Variants in RDH8 observed in about 807,000 individuals in gnomAD.
RDH8 encodes the protein retinol dehydrogenase 8, also known as photoreceptor outer segment all-trans retinol dehydrogenase.
In RDH8, 14 loss-of-function variants were observed where a neutral mutation model predicts 22.3. That is an observed-to-expected ratio of 0.63 (90% CI 0.42 to 0.98). The LOEUF (loss-of-function observed/expected upper bound fraction) is 0.98. Ranked by LOEUF, RDH8 falls within the 50% of genes least tolerant of loss-of-function variation. The probability of loss-of-function intolerance (pLI) is 0.00; values close to 1 mark genes in which losing one functional copy is unlikely to be tolerated. For missense variants in RDH8, 389 were observed against 409.8 expected (o/e 0.95, Z 0.44); for synonymous variants, 175 against 171.7 (o/e 1.02, Z -0.15).
chr19:10,019,938 G>T (rs2087645281), intron 3 of RDH8, among the ~76,000 whole-genome samples: 1 of 151,856 alleles, frequency 6.6e-6, no homozygotes. Context: ...GTCAGGAGTT[G>T]GAGACCAGAA....
At position 10,020,751 on chromosome 19, in the gene RDH8, TGGA is replaced by T. The variant is rs2087652109; in HGVS notation, c.488_490del (p.Glu163del). On this transcript the variant is annotated inframe_deletion, in exon 4 of 6. Transcript: ENST00000591589. The stretch of plus-strand genomic sequence containing the variant: ...GTCTATGCAGCTTCCAAGTTCGCCC[TGGA>T]GGGATTCTTCGAAAGCCTCGCTATC... 1 of 1,611,580 alleles carries T rather than the reference TGGA, an allele frequency of 6.2e-7. No individual in the cohort carries two copies.
Position 10,021,686 on chromosome 19 carries a change from C to T in RDH8, c.873C>T (p.Leu291=). 1 of 1,614,158 alleles carries T rather than the reference C, an allele frequency of 6.2e-7. No homozygotes were observed. Among genetic ancestry groups the T allele is most frequent in the Non-Finnish European group, 8.5e-7 (1 of 1,180,046 alleles). ...THRLLFRCPR[L]LNLGLQCLSC... Reference sequence around the variant, plus strand: ...GCCTCCTCTTCCGCTGTCCACGCCTCCTCAACCTTGGCCTTCAATGTCTGT... The same window carrying T: ...GCCTCCTCTTCCGCTGTCCACGCCTTCTCAACCTTGGCCTTCAATGTCTGT... Residue 291 remains leucine, a synonymous_variant, in exon 6 of 6, where the codon CTC becomes CTT. Transcript: ENST00000591589.
In RDH8 at chr19:10,021,761, C is replaced by T; in HGVS notation, c.*12C>T. The T allele has an allele frequency of 6.2e-7, 1 of 1,610,982 alleles. No individual in the cohort carries two copies. The highest frequency in any genetic ancestry group is 8.5e-7 in the Non-Finnish European group (1 of 1,178,550). On this transcript the variant is annotated 3_prime_UTR_variant, in exon 6 of 6. Coordinates refer to ENST00000591589, the MANE Select transcript of RDH8 (RefSeq NM_015725.4). ...TGCGGCCAAGATGAGCAGAACAGAG[C>T]TTCACGATCCCCATCCCTGAACAAC... is the stretch of plus-strand genomic sequence containing the variant.
chr19:10,020,878 T>A, intron 4 of RDH8, 76 bp downstream of exon 4: 1 of 1,061,030 alleles, frequency 9.4e-7, no homozygotes, highest in Non-Finnish European at 1.4e-6. Context: ...AGAGGAGAGA[T>A]GAAGACAATG....
intron 4 of RDH8, 39 bp downstream of exon 4, chr19:10,020,841 T>C (rs1434758466): frequency 2.1e-6 from 3 of 1,453,478 alleles, no homozygotes; most frequent in South Asian, 1.2e-5. Flanking sequence ...TTGGAGCCAG[T>C]GATGGGGAGG....
At chr19:10,014,705 G>C (rs1326268430) in intron 1 of RDH8, among the ~76,000 whole-genome samples, 3 of 151,978 alleles carry the variant, frequency 2.0e-5, no homozygotes, top group Non-Finnish European at 4.4e-5. Flanking sequence ...ACCCGGCTAA[G>C]TTTTTGTATT....
rs1267029190 is a variant in RDH8 at position 10,018,872 on chromosome 19, G to T, written c.404G>T (p.Gly135Val). The T allele has an allele frequency of 3.7e-6, 6 of 1,613,528 alleles. No individual in the cohort carries two copies. In the East Asian group the frequency reaches 1.3e-4, roughly 36 times the overall value. ...VLPGMKRRRQ[G>V]HIVVISSVMG... ...CCAGGCATGAAGAGGAGGCGGCAGG[G>T]CCACATCGTGGTGATCAGCAGTGTC... The change falls in exon 3 of 6, where the codon GGC becomes GTC. Residue 135 changes from glycine to valine, a missense_variant. Gly to Val is a moderately radical substitution (Grantham distance 109). Coordinates refer to ENST00000591589, the MANE Select transcript of RDH8 (RefSeq NM_015725.4).
rs139267887 is a variant in RDH8, at chr19:10,020,774, G to T, written c.508G>T (p.Ala170Ser). 1 of 1,610,068 alleles carries T rather than the reference G, an allele frequency of 6.2e-7. No homozygotes were observed. Among genetic ancestry groups the T allele is most frequent in the Non-Finnish European group, 8.5e-7 (1 of 1,177,818 alleles). ...CCTGGAGGGATTCTTCGAAAGCCTC[G>T]CTATCCAGCTGCTGCAGTTCAACAT... ...FALEGFFESL[A>S]IQLLQFNIFI... Residue 170 changes from alanine (A) to serine (S), a missense_variant, in exon 4 of 6, where the codon GCT (alanine) becomes TCT (serine). Transcript: ENST00000591589.
At chr19:10,018,672 A>G in intron 2 of RDH8, 59 bp from the exon 3 acceptor site, 1 of 1,410,096 alleles carries the variant, frequency 7.1e-7, no homozygotes, top group Non-Finnish European at 9.7e-7. Flanking sequence ...GGGAGTGTCT[A>G]GAAGTAATGC....
Position 10,020,728 on chromosome 19 carries a change from C to G in RDH8, c.462C>G (p.Val154=). Residue 154 remains valine (V), a synonymous_variant, in exon 4 of 6, where the codon GTC becomes GTG. Coordinates refer to ENST00000591589, the MANE Select transcript of RDH8 (RefSeq NM_015725.4). ...MGLQGVIFND[V]YAASKFALEG... is the part of the protein sequence containing the mutation. ...TCACAGGTGTCATCTTCAACGATGT[C>G]TATGCAGCTTCCAAGTTCGCCCTGG... 6.2e-7 allele frequency: 1 copy of G among 1,610,560 alleles called. No homozygotes were observed. Among genetic ancestry groups the G allele is most frequent in the Non-Finnish European group, 8.5e-7 (1 of 1,178,012 alleles).
chr19:10,017,764 G>A (rs1044398274), intron 2 of RDH8, among the ~76,000 whole-genome samples: 5 of 148,916 alleles, frequency 3.4e-5, no homozygotes, highest in Admixed American at 6.7e-5. Context: ...CTCCTGCCTC[G>A]CCTCCTGAGT....
rs774041908 is a variant in RDH8 at position 10,017,199 on chromosome 19, A to T, written c.246A>T (p.Gly82=). The T allele has an allele frequency of 6.9e-6, 11 of 1,598,342 alleles. No homozygotes were observed. Among genetic ancestry groups the T allele is most frequent in the Non-Finnish European group, 8.5e-6 (10 of 1,170,810 alleles). The change falls in exon 2 of 6, where the codon GGA becomes GGT. Residue 82 remains glycine, a synonymous_variant. Coordinates refer to ENST00000591589, the MANE Select transcript of RDH8 (RefSeq NM_015725.4). The part of the protein sequence containing the change: ...SVAQCLSCIQ[G]EVDVLVNNAG... ...CCCAGTGTCTCAGCTGTATCCAGGG[A>T]GAAGTGGACGTGCTGGGTGAGACTT...
chr19:10,021,288 C>G lies in RDH8; in HGVS notation c.570C>G (p.Thr190=). The stretch of plus-strand genomic sequence containing the variant: ...TGGTGGAGCCAGGCCCCGTGGTCAC[C>G]GAGTTTGAGGGGAAGCTTCTGGCGC... ...ISLVEPGPVV[T]EFEGKLLAQV... The change falls in exon 5 of 6, where the codon ACC becomes ACG. Residue 190 remains threonine (T), a synonymous_variant. Coordinates refer to ENST00000591589, the MANE Select transcript of RDH8 (RefSeq NM_015725.4). The G allele has an allele frequency of 6.2e-7, 1 of 1,614,098 alleles. No homozygotes were observed. The highest frequency in any genetic ancestry group is 8.5e-7 in the Non-Finnish European group (1 of 1,180,018).
Position 10,021,939 on chromosome 19 carries a change from T to C in RDH8, c.*190T>C. On this transcript the variant is annotated 3_prime_UTR_variant, in exon 6 of 6. Coordinates refer to ENST00000591589, the MANE Select transcript of RDH8 (RefSeq NM_015725.4). ...GCATAGACTCCTCTGTGGTCACAGC[T>C]GGAGCACAGAGAGGGACCCTGGGAA... The C allele has an allele frequency of 1.5e-6, 1 of 658,062 alleles. No homozygotes were observed. The highest frequency in any genetic ancestry group is 2.0e-5 in the South Asian group (1 of 50,160). 40.8% of individuals were successfully genotyped at this position (658,062 alleles called of 1,614,324 possible).
intron 2 of RDH8, among the ~76,000 whole-genome samples, chr19:10,018,190 C>T (rs577566981): frequency 1.2e-4 from 18 of 152,296 alleles, no homozygotes; most frequent in African/African-American, 4.1e-4. Context: ...GTGATCCACT[C>T]ACCTTGGCCT....
chr19:10,020,778 T>C lies in RDH8; in HGVS notation c.512T>C (p.Ile171Thr). Residue 171 changes from isoleucine to threonine, a missense_variant, in exon 4 of 6, where the codon ATC becomes ACC. Physicochemically the swap from Ile to Thr is moderately conservative, Grantham distance 89. Transcript: ENST00000591589. ...ALEGFFESLA[I>T]QLLQFNIFIS... Reference sequence around the variant, plus strand: ...GAGGGATTCTTCGAAAGCCTCGCTATCCAGCTGCTGCAGTTCAACATCTTG... The same window carrying C: ...GAGGGATTCTTCGAAAGCCTCGCTACCCAGCTGCTGCAGTTCAACATCTTG... The C allele has an allele frequency of 6.2e-7, 1 of 1,609,992 alleles. No homozygotes were observed. Among genetic ancestry groups the C allele is most frequent in the South Asian group, 1.1e-5 (1 of 90,220 alleles).
At position 10,013,581 on chromosome 19, in the gene RDH8, C is replaced by A. The variant is rs150712129; in HGVS notation, c.84C>A (p.Asp28Glu). 15 of 1,613,838 alleles carry A rather than the reference C, an allele frequency of 9.3e-6. No individual in the cohort carries two copies. The highest frequency in any genetic ancestry group is 1.3e-5 in the Non-Finnish European group (15 of 1,179,990). The change falls in exon 1 of 6, where the codon GAC becomes GAA. Residue 28 changes from aspartate to glutamate, a missense_variant. Asp to Glu is a conservative substitution (Grantham distance 45). Coordinates refer to ENST00000591589, the MANE Select transcript of RDH8 (RefSeq NM_015725.4). The part of the protein sequence containing the change: ...GLELAVQLAH[D>E]PKKRYQVVAT... The stretch of plus-strand genomic sequence containing the variant: ...AACTTGCAGTGCAACTGGCCCATGA[C>A]CCCAAGAAGCGCTACCAGGGTAAGA...
intron 5 of RDH8, 27 bp downstream of exon 5, chr19:10,021,465 A>G (rs2087658423): frequency 6.2e-7 from 1 of 1,613,708 alleles, no homozygotes; most frequent in South Asian, 1.1e-5. Context: ...GAGCCCCAAG[A>G]CGTGGCTCAG....
intron 4 of RDH8, 132 bp from the exon 5 acceptor site, chr19:10,021,123 A>G: frequency 1.2e-6 from 1 of 823,172 alleles, no homozygotes; most frequent in Non-Finnish European, 1.9e-6. Flanking sequence ...GCAGACAGCT[A>G]TGATCATGCC....
Sources: allele counts gnomAD v4.1 joint callset (sites outside exome capture counted in the v4.1 genomes callset), GRCh38; gene constraint gnomAD v4.1.1; transcripts MANE v1.5; gene names NCBI Gene and HGNC (gene_info 2026-07-23, HGNC 2026-07-21).